Variants in TSPAN3 observed in about 807,000 individuals in gnomAD.
TSPAN3 encodes tetraspanin-3.
A neutral mutation model predicts 31.1 loss-of-function variants in TSPAN3; 9 were observed. That is an observed-to-expected ratio of 0.29 (90% CI 0.17 to 0.50). The LOEUF is 0.50. Among genes scored for constraint, TSPAN3 ranks in the 20% least tolerant of loss-of-function variants. The probability of loss-of-function intolerance (pLI) is 0.98; values close to 1 mark genes in which losing one functional copy is unlikely to be tolerated. For missense variants in TSPAN3, 252 were observed against 313.5 expected (o/e 0.80, Z 1.48); for synonymous variants, 129 against 114.3 (o/e 1.13, Z -0.82).
Position 77,070,901 on chromosome 15 carries a change from G to T in TSPAN3, c.54C>A (p.Leu18=). The change falls in exon 1 of 7, where the codon CTC becomes CTA. Residue 18 remains leucine, a synonymous_variant. Coordinates refer to ENST00000267970, the MANE Select transcript of TSPAN3 (RefSeq NM_005724.6). ...GCCCGGCCCCGCTCACCCAGAAGAT[G>T]AGGTTGAGAAAGACCAGCACGGTCT... ...SSKTVLVFLN[L]IFWGAAGILC... The T allele has an allele frequency of 1.4e-6, 2 of 1,411,888 alleles. No individual in the cohort carries two copies. The highest frequency in any genetic ancestry group is 9.3e-7 in the Non-Finnish European group (1 of 1,070,914). 87.5% of individuals were successfully genotyped at this position (1,411,888 alleles called of 1,614,324 possible). A position where few individuals can be genotyped will look rare whatever the true frequency, so the allele number is the denominator to read the frequency against.
chr15:77,068,599 C>T (rs376916574), intron 1 of TSPAN3, among the ~76,000 whole-genome samples: 2 of 152,162 alleles, frequency 1.3e-5, no homozygotes, highest in African/African-American at 2.4e-5. Context: ...GAGTACAAAG[C>T]CACATCTTTA....
At chr15:77,055,072 G>GA (rs1385073542) in intron 3 of TSPAN3, 1 of 151,998 alleles carries the variant, frequency 6.6e-6, no homozygotes, top group Non-Finnish European at 1.5e-5. Context: ...ACGTATCAAT[G>GA]ATCTGAAAAT....
In TSPAN3 at chr15:77,042,791, T is replaced by A. The variant is rs577027506; in HGVS notation, c.*4044A>T. 1 of 152,018 alleles carries A rather than the reference T, an allele frequency of 6.6e-6. No homozygotes were observed. The highest frequency in any genetic ancestry group is 2.4e-5 in the African/African-American group (1 of 41,374). 9.4% of individuals were successfully genotyped at this position (152,018 alleles called of 1,614,324 possible). On this transcript the variant is annotated 3_prime_UTR_variant, in exon 7 of 7. Transcript: ENST00000267970. ...GAAGAGTCTCATGAGGAACAGGGTA[T>A]GTACATGGAGACAGTGTGTCTCCAG...
chr15:77,048,853 T>G (rs1441430323), intron 6 of TSPAN3, among the ~76,000 whole-genome samples: 1 of 152,156 alleles, frequency 6.6e-6, no homozygotes, highest in East Asian at 1.9e-4. Flanking sequence ...AGTAAAATGT[T>G]CTATGATATA....
At chr15:77,057,006 G>T (rs942698215) in intron 1 of TSPAN3, among the ~76,000 whole-genome samples, 1 of 152,146 alleles carries the variant, frequency 6.6e-6, no homozygotes, top group Non-Finnish European at 1.5e-5. Context: ...TTCTTGGAGC[G>T]CACTCTGAGT....
At chr15:77,047,179 C>A (rs1326955394) in intron 6 of TSPAN3, among the ~76,000 whole-genome samples, 1 of 152,176 alleles carries the variant, frequency 6.6e-6, no homozygotes. Flanking sequence ...TATTTGGCAT[C>A]CCCACTACTA....
At chr15:77,062,807 G>T (rs182507394) in intron 1 of TSPAN3, among the ~76,000 whole-genome samples, 3 of 152,102 alleles carry the variant, frequency 2.0e-5, no homozygotes, top group African/African-American at 7.2e-5. Context: ...AAAAGCCCTG[G>T]TATTCAGAGG....
At chr15:77,052,951 A>C (rs1388872485) in intron 4 of TSPAN3, 22 bp from the exon 5 acceptor site, 2 of 1,601,186 alleles carry the variant, frequency 1.2e-6, no homozygotes, top group Non-Finnish European at 1.7e-6. Context: ...GAGAATAAGT[A>C]TTATTTCTCA....
At chr15:77,047,296 T>C (rs1159758963) in intron 6 of TSPAN3, among the ~76,000 whole-genome samples, 2 of 152,228 alleles carry the variant, frequency 1.3e-5, no homozygotes, top group African/African-American at 4.8e-5. Context: ...ATATAGTTAC[T>C]GCAACTGAGT....
At chr15:77,069,775 T>C (rs1031156437) in intron 1 of TSPAN3, 1 of 152,268 alleles carries the variant, frequency 6.6e-6, no homozygotes, top group African/African-American at 2.4e-5. Context: ...AGGAGCTGAA[T>C]GGGGAGGAGG....
rs1305246257 is a variant in TSPAN3 at position 77,043,367 on chromosome 15, C to T, written c.*3468G>A. 1 of 152,202 alleles carries T rather than the reference C, an allele frequency of 6.6e-6. No individual in the cohort carries two copies. Among genetic ancestry groups the T allele is most frequent in the African/African-American group, 2.4e-5 (1 of 41,440 alleles). 9.4% of individuals were successfully genotyped at this position (152,202 alleles called of 1,614,324 possible). On this transcript the variant is annotated 3_prime_UTR_variant, in exon 7 of 7. Coordinates refer to ENST00000267970, the MANE Select transcript of TSPAN3 (RefSeq NM_005724.6). ...CTACCTTCTACACAGTTAACAATTA[C>T]TTATATTAAAACCTTCCTGTTCACA...
In TSPAN3 at chr15:77,052,436, T is replaced by C; in HGVS notation, c.618A>G (p.Gln206=). 6.2e-7 allele frequency: 1 copy of C among 1,614,214 alleles called. No homozygotes were observed. Among genetic ancestry groups the C allele is most frequent in the Non-Finnish European group, 8.5e-7 (1 of 1,180,018 alleles). The change falls in exon 6 of 7, where the codon CAA becomes CAG. Residue 206 remains glutamine (Q), a synonymous_variant. Coordinates refer to ENST00000267970, the MANE Select transcript of TSPAN3 (RefSeq NM_005724.6). ...GCEALVVKKL[Q]EIMMHVIWAA... ...CCCAGATCACATGCATCATGATTTC[T>C]TGTAGCTTCTTCACTACTAGAGCCT...
chr15:77,066,151 G>C (rs538297382), intron 1 of TSPAN3, among the ~76,000 whole-genome samples: 3 of 152,286 alleles, frequency 2.0e-5, no homozygotes, highest in African/African-American at 7.2e-5. Flanking sequence ...TTAATGGTAG[G>C]AAGTACTGAT....
chr15:77,055,899 G>T (rs771520534), intron 2 of TSPAN3, 36 bp from the exon 3 acceptor site: 1 of 1,570,826 alleles, frequency 6.4e-7, no homozygotes, highest in Admixed American at 2.1e-5. Flanking sequence ...ATATACAAAT[G>T]AAAAAATAAC....
chr15:77,046,365 A>AT lies in TSPAN3; in HGVS notation c.*469dup. ...GCTATCTTATTGGACTACAGTAAAT[A>AT]TTTTTTAAAAGGACACCAATGAGGG... On this transcript the variant is annotated 3_prime_UTR_variant, in exon 7 of 7. Coordinates refer to ENST00000267970, the MANE Select transcript of TSPAN3 (RefSeq NM_005724.6). The AT allele has an allele frequency of 2.5e-6, 1 of 401,206 alleles. No homozygotes were observed. The highest frequency in any genetic ancestry group is 2.1e-5 in the African/African-American group (1 of 48,740). The allele number at this position is 401,206 out of a possible 1,614,324, so 24.9% of individuals were successfully genotyped here.
In TSPAN3 at chr15:77,054,191, T is replaced by A; in HGVS notation, c.419A>T (p.Tyr140Phe). ...AAGAAAGCTCACCTGTCTCTGTACA[T>A]AATCAATAGCCCGGCTAGCAGCATC... ...NPDAASRAIDYVQRQLHCCGI... is the reference protein window; with the variant it reads ...NPDAASRAIDFVQRQLHCCGI... The change falls in exon 4 of 7, where the codon TAT becomes TTT. Residue 140 changes from tyrosine to phenylalanine, a missense_variant. Transcript: ENST00000267970. The A allele has an allele frequency of 6.2e-7, 1 of 1,613,870 alleles. No individual in the cohort carries two copies. Among genetic ancestry groups the A allele is most frequent in the Non-Finnish European group, 8.5e-7 (1 of 1,179,800 alleles).
chr15:77,056,043 T>C, intron 2 of TSPAN3, 21 bp downstream of exon 2: 1 of 1,587,098 alleles, frequency 6.3e-7, no homozygotes. Context: ...TACTCCTGCA[T>C]GTTCTCACAA....
intron 1 of TSPAN3, chr15:77,064,609 T>A (rs1198439334): frequency 1.3e-5 from 2 of 152,244 alleles, no homozygotes; most frequent in African/African-American, 4.8e-5. Flanking sequence ...ACAAGGCTCT[T>A]GGTCAGTGGA....
At chr15:77,052,531 A>C in intron 5 of TSPAN3, 63 bp from the exon 6 acceptor site, 1 of 1,458,228 alleles carries the variant, frequency 6.9e-7, no homozygotes, top group Non-Finnish European at 9.6e-7. Flanking sequence ...GCAGATTCAC[A>C]GGCCACTACC....
Sources: allele counts gnomAD v4.1 joint callset (sites outside exome capture counted in the v4.1 genomes callset), GRCh38; gene constraint gnomAD v4.1.1; transcripts MANE v1.5; gene names NCBI Gene and HGNC (gene_info 2026-07-23, HGNC 2026-07-21).